CTNNA2: variants seen among roughly 807,000 people sequenced by gnomAD.
CTNNA2 encodes the protein catenin alpha 2, also known as catenin alpha-2.
Under a neutral mutation model 101.0 loss-of-function variants are expected in CTNNA2, and 42 were observed. The observed-to-expected ratio is 0.42, with a 90% CI of 0.32 to 0.54. The LOEUF (loss-of-function observed/expected upper bound fraction) is 0.54. CTNNA2 is among the 20% of genes least tolerant of loss of function. The pLI is 0.14. For synonymous variants in CTNNA2, 450 were observed against 456.4 expected, an observed-to-expected ratio of 0.99 and a Z score of 0.18; for missense variants, 871 against 1,223.1, an observed-to-expected ratio of 0.71 and a Z score of 4.29.
At chr2:80,605,922 A>G (rs1248857741) in intron 16 of CTNNA2, among the ~76,000 whole-genome samples, 2 of 151,918 alleles carry the variant, frequency 1.3e-5, no homozygotes, top group African/African-American at 4.8e-5. Flanking sequence ...TTTCAGGGCA[A>G]TATCAACCAT....
intron 3 of CTNNA2, among the ~76,000 whole-genome samples, chr2:79,766,850 G>A (rs533156704): frequency 1.3e-5 from 2 of 151,980 alleles, no homozygotes; most frequent in South Asian, 4.2e-4. Context: ...CCACCTCCTG[G>A]GTTCAAGTGA....
At chr2:80,036,090 C>G (rs557992231) in intron 7 of CTNNA2, among the ~76,000 whole-genome samples, 1 of 152,272 alleles carries the variant, frequency 6.6e-6, no homozygotes, top group South Asian at 2.1e-4. Flanking sequence ...CCCTCCTACC[C>G]CCACCAGCGT....
chr2:80,071,458 A>G (rs1002520625), intron 7 of CTNNA2, among the ~76,000 whole-genome samples: 2 of 152,150 alleles, frequency 1.3e-5, no homozygotes, highest in Non-Finnish European at 2.9e-5. Context: ...TTTAATCAAG[A>G]CCTTGTCTGT....
intron 3 of CTNNA2, among the ~76,000 whole-genome samples, chr2:79,790,698 A>G (rs978316101): frequency 6.6e-6 from 1 of 152,176 alleles, no homozygotes; most frequent in Non-Finnish European, 1.5e-5. Flanking sequence ...TACCAGTTAT[A>G]CCTATCATTC....
At chr2:79,886,033 G>A (rs1683832887) in intron 6 of CTNNA2, among the ~76,000 whole-genome samples, 1 of 152,194 alleles carries the variant, frequency 6.6e-6, no homozygotes, top group Non-Finnish European at 1.5e-5. Context: ...ATAAGGGAGT[G>A]TCATATGTAA....
intron 1 of CTNNA2, among the ~76,000 whole-genome samples, chr2:79,188,614 G>GA (rs1673813134): frequency 6.6e-6 from 1 of 152,156 alleles, no homozygotes; most frequent in Non-Finnish European, 1.5e-5. Context: ...TCAGAGAGAA[G>GA]AAAAATCACT....
At chr2:80,592,480 A>G (rs7574325) in intron 15 of CTNNA2, among the ~76,000 whole-genome samples, 330 of 152,234 alleles carry the variant, frequency 2.2e-3, no homozygotes, top group Non-Finnish European at 3.6e-3. Context: ...TTAACATCTG[A>G]CCTTACAACC....
chr2:80,262,982 A>T (rs3979490), intron 7 of CTNNA2, among the ~76,000 whole-genome samples: 8,892 of 151,966 alleles, frequency 0.059, 444 homozygotes, highest in South Asian at 0.29. Flanking sequence ...CCTAATACAA[A>T]TTCTAACGTG....
chr2:79,799,531 A>C (rs773048196), intron 3 of CTNNA2, among the ~76,000 whole-genome samples: 2 of 152,228 alleles, frequency 1.3e-5, no homozygotes. Context: ...AATCAAAAAT[A>C]CTGCAGAAAT....
At chr2:79,570,846 A>G (rs1346283276) in intron 1 of CTNNA2, among the ~76,000 whole-genome samples, 3 of 152,204 alleles carry the variant, frequency 2.0e-5, no homozygotes, top group African/African-American at 4.8e-5. Context: ...ATACAATGAA[A>G]TAATATACTC....
At chr2:79,432,573 C>T (rs1382580141) in intron 4 of CTNNA2, among the ~76,000 whole-genome samples, 2 of 152,140 alleles carry the variant, frequency 1.3e-5, no homozygotes, top group Non-Finnish European at 2.9e-5. Context: ...AGTACTGCAT[C>T]CTCACCAAAG....
intron 7 of CTNNA2, among the ~76,000 whole-genome samples, chr2:80,257,204 G>A (rs1170398229): frequency 6.6e-6 from 1 of 151,552 alleles, no homozygotes; most frequent in Non-Finnish European, 1.5e-5. Context: ...TATTAATTTT[G>A]AGCTACGTGG....
intron 7 of CTNNA2, among the ~76,000 whole-genome samples, chr2:80,180,334 G>A (rs542452801): frequency 4.6e-5 from 7 of 152,202 alleles, no homozygotes; most frequent in Admixed American, 2.0e-4. Flanking sequence ...TTGTTCACTC[G>A]ACCTGGCAGT....
intron 3 of CTNNA2, among the ~76,000 whole-genome samples, chr2:79,337,505 C>A (rs1677020634): frequency 6.6e-6 from 1 of 152,150 alleles, no homozygotes; most frequent in African/African-American, 2.4e-5. Context: ...CATTCATATG[C>A]CAAACCTCAG....
rs191091222 is a variant in CTNNA2 at position 79,618,147 on chromosome 2, C to A, written c.-5-33405C>A. 3.3e-3 allele frequency among the ~76,000 whole-genome samples: 502 copies of A among 152,174 alleles called. 1 individual carries two copies. The highest frequency in any genetic ancestry group is 0.012 in the African/African-American group (485 of 41,508). ...TGTGCCAAGGCTGGGCACCCAGTGC[C>A]CAGTGGAGCATGGAGGAAGGGGTGA... On this transcript the variant is annotated intron_variant, in intron 1 of 18. Coordinates refer to ENST00000402739, the MANE Select transcript of CTNNA2 (RefSeq NM_001282597.3).
intron 7 of CTNNA2, among the ~76,000 whole-genome samples, chr2:79,961,526 C>T (rs986602549): frequency 2.6e-5 from 4 of 152,162 alleles, no homozygotes; most frequent in Non-Finnish European, 5.9e-5. Context: ...GCGAGGTCTA[C>T]CTTAAAGCTG....
Position 79,786,199 on chromosome 2 carries a change from A to G in CTNNA2, c.298+41617A>G, listed in dbSNP as rs958689201. On this transcript the variant is annotated intron_variant, in intron 3 of 18. Transcript: ENST00000402739. ...CCATGTTAACATGAAATGATATTTA[A>G]GTAGAAAAGCAGAATAAAGAATAGT... Among the ~76,000 whole-genome samples, 4 of 152,182 alleles carry G rather than the reference A, an allele frequency of 2.6e-5. 1 individual carries two copies. The East Asian group carries it at 7.7e-4, about 29-fold the overall frequency.
intron 2 of CTNNA2, among the ~76,000 whole-genome samples, chr2:79,653,793 A>G (rs943936446): frequency 6.6e-6 from 1 of 152,064 alleles, no homozygotes; most frequent in Admixed American, 6.5e-5. Flanking sequence ...AAACCAGGCC[A>G]CTCTTTCAAC....
rs377763685 is a variant in CTNNA2, at chr2:80,647,647, G to T, written c.2637G>T (p.Thr879=). 1.9e-6 allele frequency: 3 copies of T among 1,613,124 alleles called. No homozygotes were observed. The highest frequency in any genetic ancestry group is 1.1e-5 in the South Asian group (1 of 91,042). Residue 879 remains threonine (T), a synonymous_variant, in exon 19 of 19, where the codon ACG becomes ACT. Coordinates refer to ENST00000402739, the MANE Select transcript of CTNNA2 (RefSeq NM_001282597.3). ...ACCTGATGAATGCTGTTGTCCTCAC[G>T]GTGAAAGCATCCTATGTGGCCTCAA... ...AKNLMNAVVL[T]VKASYVASTK...
Sources: gnomAD v4.1 joint callset for allele counts (sites outside exome capture counted in the v4.1 genomes callset) on GRCh38, gnomAD v4.1.1 for gene constraint, MANE v1.5 for transcripts, NCBI Gene and HGNC (gene_info 2026-07-23, HGNC 2026-07-21) for gene names.